Variants in ADGRV1 observed in about 807,000 individuals in gnomAD.
ADGRV1 encodes the protein adhesion G protein-coupled receptor V1.
Under a neutral mutation model 596.2 loss-of-function variants are expected in ADGRV1, and 359 were observed. The observed-to-expected ratio is 0.60, with a 90% CI of 0.55 to 0.66. ADGRV1 has a LOEUF of 0.66. Ranked by LOEUF, ADGRV1 falls within the 30% of genes least tolerant of loss-of-function variation. The pLI, the probability that ADGRV1 is intolerant of heterozygous loss-of-function variation, is 0.00. For synonymous variants in ADGRV1, 2,681 were observed against 2,679.2 expected (o/e 1.00, Z -0.02); for missense variants, 7,274 against 7,575.6 (o/e 0.96, Z 1.48).
intron 70 of ADGRV1, among the ~76,000 whole-genome samples, chr5:90,795,492 C>T (rs2150153351): frequency 6.6e-6 from 1 of 152,284 alleles, no homozygotes; most frequent in East Asian, 1.9e-4. Flanking sequence ...AGGCAGCAGC[C>T]CCAGTCAGGG....
chr5:90,714,566 A>G (rs1264513723), intron 42 of ADGRV1, among the ~76,000 whole-genome samples: 2 of 151,878 alleles, frequency 1.3e-5, no homozygotes, highest in African/African-American at 2.4e-5. Flanking sequence ...ATTTTCTACT[A>G]TTTTCATTGT....
chr5:90,793,357 A>T (rs1760295771), intron 70 of ADGRV1: 1 of 152,230 alleles, frequency 6.6e-6, no homozygotes, highest in Admixed American at 6.5e-5. Context: ...GAACATATTC[A>T]ATTTATAAGC....
At chr5:90,970,307 A>G (rs1778848907) in intron 84 of ADGRV1, among the ~76,000 whole-genome samples, 2 of 152,182 alleles carry the variant, frequency 1.3e-5, no homozygotes, top group South Asian at 4.1e-4. Flanking sequence ...GGCAGGGCAT[A>G]GCCAAACAAA....
At position 90,745,804 on chromosome 5, in the gene ADGRV1, A is replaced by AGCAAAC; in HGVS notation, c.10974+9_10974+10insGCAAAC. 4.1e-6 allele frequency: 6 copies of AGCAAAC among 1,456,720 alleles called. No individual in the cohort carries two copies. Among genetic ancestry groups the AGCAAAC allele is most frequent in the Non-Finnish European group, 5.8e-6 (6 of 1,040,078 alleles). 90.2% of individuals were successfully genotyped at this position (1,456,720 alleles called of 1,614,324 possible). On this transcript the variant is annotated intron_variant, in intron 52 of 89. Coordinates refer to ENST00000405460, the MANE Select transcript of ADGRV1 (RefSeq NM_032119.4). ...TTGTTGCATTTGCTCAGGTAATGATACTGAAGACCCCACACTTGCAATGCA... is the reference window on the plus strand; with the variant it reads ...TTGTTGCATTTGCTCAGGTAATGATAGCAAACCTGAAGACCCCACACTTGCAATGCA...
intron 1 of ADGRV1, among the ~76,000 whole-genome samples, chr5:90,570,360 T>G (rs1756361076): frequency 6.6e-6 from 1 of 152,162 alleles, no homozygotes; most frequent in Non-Finnish European, 1.5e-5. Flanking sequence ...GATTCTCTCT[T>G]TGTCTTTTGC....
chr5:90,605,558 G>A (rs60513905), intron 1 of ADGRV1, among the ~76,000 whole-genome samples: 6,034 of 152,170 alleles, frequency 0.04, 344 homozygotes, highest in African/African-American at 0.13. Flanking sequence ...AATGGCCATT[G>A]TAGAATCAGT....
intron 82 of ADGRV1, among the ~76,000 whole-genome samples, chr5:90,859,284 A>T (rs1043193756): frequency 8.5e-5 from 13 of 152,150 alleles, no homozygotes; most frequent in African/African-American, 2.9e-4. Flanking sequence ...CCTGACATAC[A>T]GTAGGTTTTA....
At chr5:90,725,791 A>G in intron 48 of ADGRV1, 135 bp downstream of exon 48, 1 of 581,564 alleles carries the variant, frequency 1.7e-6, no homozygotes, top group South Asian at 2.3e-5. Context: ...AGTAGAATGT[A>G]AAGACTGGTT....
chr5:91,141,242 T>C (rs1396678589), intron 87 of ADGRV1, among the ~76,000 whole-genome samples: 1 of 152,262 alleles, frequency 6.6e-6, no homozygotes, highest in Non-Finnish European at 1.5e-5. Flanking sequence ...GATAGACATG[T>C]CTGAATCCTG....
In ADGRV1 at chr5:90,823,533, G is replaced by A. The variant is rs935982028; in HGVS notation, c.16305G>A (p.Gly5435=). Residue 5435 remains glycine (G), a synonymous_variant, in exon 76 of 90, where the codon GGG becomes GGA. Coordinates refer to ENST00000405460, the MANE Select transcript of ADGRV1 (RefSeq NM_032119.4). The stretch of plus-strand genomic sequence containing the variant: ...TGGAGGAACTTCAGTCTGTGTCAGG[G>A]ACCACAACCTGTACAATGGGTCAAA... ...NLVEELQSVS[G]TTTCTMGQTK... The A allele has an allele frequency of 5.6e-6, 9 of 1,613,786 alleles. No individual in the cohort carries two copies. Among genetic ancestry groups the A allele is most frequent in the Middle Eastern group, 1.6e-4 (1 of 6,080 alleles).
intron 83 of ADGRV1, among the ~76,000 whole-genome samples, chr5:90,872,705 A>C (rs141191300): frequency 6.6e-6 from 1 of 152,238 alleles, no homozygotes; most frequent in East Asian, 1.9e-4. Context: ...CAATTCTGTG[A>C]CTTGCCCCAG....
At chr5:90,956,629 T>G (rs1478920686) in intron 83 of ADGRV1, among the ~76,000 whole-genome samples, 7 of 152,196 alleles carry the variant, frequency 4.6e-5, no homozygotes, top group Non-Finnish European at 4.4e-5. Context: ...AGCTTGATAT[T>G]TCAGCCAGCC....
intron 85 of ADGRV1, among the ~76,000 whole-genome samples, chr5:91,046,810 A>G (rs1785857340): frequency 6.6e-6 from 1 of 152,216 alleles, no homozygotes; most frequent in Admixed American, 6.5e-5. Context: ...AAACTCAAAC[A>G]AATTAGCAAG....
intron 85 of ADGRV1, among the ~76,000 whole-genome samples, chr5:91,050,354 T>C (rs1462998050): frequency 6.6e-6 from 1 of 152,248 alleles, no homozygotes; most frequent in Non-Finnish European, 1.5e-5. Flanking sequence ...TAGTGTACTT[T>C]GTGCCTCTGA....
intron 85 of ADGRV1, among the ~76,000 whole-genome samples, chr5:91,036,268 G>A (rs1276644428): frequency 6.6e-6 from 1 of 152,056 alleles, no homozygotes; most frequent in African/African-American, 2.4e-5. Context: ...GAAGGTTGAG[G>A]CAGGAGGATT....
intron 87 of ADGRV1, among the ~76,000 whole-genome samples, chr5:91,127,540 C>CA (rs11406300): frequency 0.88 from 111,155 of 125,658 alleles, 49,763 homozygotes; most frequent in East Asian, 0.97. Context: ...CCAGTCTCAC[C>CA]AAAAAAAAAA....
chr5:90,743,584 G>C (rs1403258540), intron 50 of ADGRV1, among the ~76,000 whole-genome samples: 1 of 148,680 alleles, frequency 6.7e-6, no homozygotes, highest in Non-Finnish European at 1.5e-5. Context: ...CCATTCTCCT[G>C]TCTCAGCCTC....
intron 82 of ADGRV1, among the ~76,000 whole-genome samples, chr5:90,859,501 C>T (rs1490045312): frequency 1.3e-5 from 2 of 151,504 alleles, no homozygotes; most frequent in Admixed American, 6.6e-5. Flanking sequence ...GGTGTGATCT[C>T]GGCTCATTGC....
intron 47 of ADGRV1, 69 bp from the exon 48 acceptor site, chr5:90,725,480 A>G: frequency 1.2e-6 from 1 of 867,674 alleles, no homozygotes; most frequent in Non-Finnish European, 1.9e-6. Flanking sequence ...AACTCATGCT[A>G]TTAGTGTGTT....
Sources: gnomAD v4.1 joint callset for allele counts (sites outside exome capture counted in the v4.1 genomes callset) on GRCh38, gnomAD v4.1.1 for gene constraint, MANE v1.5 for transcripts, NCBI Gene and HGNC (gene_info 2026-07-23, HGNC 2026-07-21) for gene names.